VAV2: variants seen among roughly 807,000 people sequenced by gnomAD.
The protein encoded by VAV2 is guanine nucleotide exchange factor VAV2.
In VAV2, 67 loss-of-function variants were observed where a neutral mutation model predicts 132.5. That is an observed-to-expected ratio of 0.51 (90% CI 0.42 to 0.62). VAV2 has a LOEUF of 0.62. Ranked by LOEUF, VAV2 falls within the 20% of genes least tolerant of loss-of-function variation. The pLI is 0.00. For missense variants in VAV2, 938 were observed against 1,153.6 expected (o/e 0.81, Z 2.71); for synonymous variants, 492 against 443.5 (o/e 1.11, Z -1.37).
intron 26 of VAV2, among the ~76,000 whole-genome samples, chr9:133,771,146 C>T (rs1459493804): frequency 1.4e-5 from 2 of 145,218 alleles, no homozygotes; most frequent in Non-Finnish European, 3.0e-5. Context: ...TCACTGCAAT[C>T]TCCGCCTCCT....
intron 2 of VAV2, among the ~76,000 whole-genome samples, chr9:133,862,080 G>A (rs919161918): frequency 1.1e-4 from 16 of 152,210 alleles, no homozygotes; most frequent in Non-Finnish European, 1.6e-4. Context: ...TCCCCTGGCC[G>A]GCAGACTGGT....
chr9:133,990,936 C>T (rs1367087912), intron 1 of VAV2, among the ~76,000 whole-genome samples: 1 of 152,116 alleles, frequency 6.6e-6, no homozygotes, highest in Non-Finnish European at 1.5e-5. Flanking sequence ...TTTGTCAGCG[C>T]CCCCCAACCC....
At chr9:133,982,380 G>A (rs1842723935) in intron 1 of VAV2, among the ~76,000 whole-genome samples, 1 of 152,182 alleles carries the variant, frequency 6.6e-6, no homozygotes, top group Non-Finnish European at 1.5e-5. Flanking sequence ...GGGGCACCTG[G>A]GACGGGGCAC....
At chr9:133,864,141 G>A (rs953787671) in intron 2 of VAV2, among the ~76,000 whole-genome samples, 20 of 152,246 alleles carry the variant, frequency 1.3e-4, no homozygotes, top group Non-Finnish European at 1.2e-4. Flanking sequence ...CGTCTGTTCC[G>A]AGTCCCAGTT....
chr9:133,780,410 G>A (rs1329309558), intron 20 of VAV2, among the ~76,000 whole-genome samples: 1 of 152,206 alleles, frequency 6.6e-6, no homozygotes, highest in Non-Finnish European at 1.5e-5. Context: ...TCGGGGGCAG[G>A]AGGGCTGGTG....
chr9:133,898,263 G>A (rs1393201892), intron 2 of VAV2, among the ~76,000 whole-genome samples: 4 of 152,092 alleles, frequency 2.6e-5, no homozygotes, highest in Admixed American at 1.3e-4. Context: ...TGAGTCCAGC[G>A]CTTTCTCCAC....
intron 4 of VAV2, among the ~76,000 whole-genome samples, chr9:133,821,824 G>C (rs139473930): frequency 6.6e-6 from 1 of 152,152 alleles, no homozygotes; most frequent in African/African-American, 2.4e-5. Context: ...GGGCCTCCAC[G>C]GCCAGACCTG....
intron 2 of VAV2, among the ~76,000 whole-genome samples, chr9:133,895,415 C>T (rs188413937): frequency 6.6e-6 from 1 of 152,308 alleles, no homozygotes; most frequent in Admixed American, 6.5e-5. Flanking sequence ...TGTAAATGAG[C>T]AACTCAAATG....
At chr9:133,835,329 CG>C (rs2131786034) in intron 3 of VAV2, among the ~76,000 whole-genome samples, 1 of 150,734 alleles carries the variant, frequency 6.6e-6, no homozygotes, top group South Asian at 2.1e-4. Context: ...CTGCATAAGG[CG>C]AGCCCAGGCC....
rs71503361 is a variant in VAV2 at position 133,900,198 on chromosome 9, CA to C, written c.322-38767del. ...TGGGTGACAGAGTAAGACCCTGTCT[CA>C]AAAAAACCAAAGAAGAAAGAAAGAA... On this transcript the variant is annotated intron_variant, in intron 2 of 29. Coordinates refer to ENST00000371850, the MANE Select transcript of VAV2 (RefSeq NM_001134398.2). 2.6e-5 allele frequency among the ~76,000 whole-genome samples: 4 copies of C among 151,370 alleles called. No individual in the cohort carries two copies. In the East Asian group the frequency reaches 7.8e-4, roughly 30 times the overall value.
chr9:133,785,077 C>T (rs1321805836), intron 17 of VAV2, among the ~76,000 whole-genome samples: 1 of 152,160 alleles, frequency 6.6e-6, no homozygotes. Flanking sequence ...CAGCTGGCTG[C>T]ATCTATTCTC....
intron 2 of VAV2, among the ~76,000 whole-genome samples, chr9:133,862,737 C>T (rs1178393397): frequency 6.6e-6 from 1 of 152,244 alleles, no homozygotes; most frequent in Non-Finnish European, 1.5e-5. Context: ...CCCACGAGGC[C>T]ATCCTGCGCT....
rs761155809 is a variant in VAV2 at position 133,768,630 on chromosome 9, C to T, written c.2435-34G>A. 3.1e-6 allele frequency: 5 copies of T among 1,602,040 alleles called. No individual in the cohort carries two copies. Among genetic ancestry groups the T allele is most frequent in the East Asian group, 2.2e-5 (1 of 44,460 alleles). On this transcript the variant is annotated intron_variant, in intron 28 of 29. Transcript: ENST00000371850. The surrounding 1 kb of genome is among the most constrained non-coding windows in gnomAD (Gnocchi z 5.3). ...GGAGATGGGCAGCATCACACAGCTGCAGGAGGAGCCCAACCAGTGATCCAG... is the reference window on the plus strand; with the variant it reads ...GGAGATGGGCAGCATCACACAGCTGTAGGAGGAGCCCAACCAGTGATCCAG...
At chr9:133,765,249 AC>A (rs1363002142) in intron 29 of VAV2, among the ~76,000 whole-genome samples, 2 of 152,238 alleles carry the variant, frequency 1.3e-5, no homozygotes, top group Non-Finnish European at 2.9e-5. Context: ...TATTTACCTA[AC>A]CTCAAAGTAT....
chr9:133,853,897 T>C (rs999762111), intron 3 of VAV2, among the ~76,000 whole-genome samples: 1 of 152,134 alleles, frequency 6.6e-6, no homozygotes, highest in African/African-American at 2.4e-5. Flanking sequence ...CCCGCTGGCA[T>C]GATCCCTACA....
intron 2 of VAV2, among the ~76,000 whole-genome samples, chr9:133,875,018 C>A (rs1442331990): frequency 3.9e-5 from 6 of 152,192 alleles, no homozygotes; most frequent in Non-Finnish European, 8.8e-5. Context: ...CGGGGCAGAG[C>A]AGCCCCAGAA....
At position 133,778,771 on chromosome 9, in the gene VAV2, CGGAGACTCAG is replaced by C; in HGVS notation, c.1871_1880del (p.Pro624ArgfsTer21). The C allele has an allele frequency of 6.2e-7, 1 of 1,612,712 alleles. No individual in the cohort carries two copies. The highest frequency in any genetic ancestry group is 8.5e-7 in the Non-Finnish European group (1 of 1,179,966). On this transcript the variant is annotated frameshift_variant, in exon 22 of 30. Coordinates refer to ENST00000371850, the MANE Select transcript of VAV2 (RefSeq NM_001134398.2). LOFTEE classifies it high-confidence loss of function. ...GGGCCCCAGGACCCACCTCCCACCA[CGGAGACTCAG>C]GGTCGCCCCTCAGCAGCTCAAGCAC...
intron 9 of VAV2, 45 bp from the exon 10 acceptor site, chr9:133,797,854 G>A: frequency 6.3e-7 from 1 of 1,579,506 alleles, no homozygotes; most frequent in Middle Eastern, 1.7e-4. Flanking sequence ...GATTTAATGA[G>A]CAGCTCGGGG....
chr9:133,923,956 A>G lies in VAV2; in HGVS notation c.321+15147T>C, dbSNP rs188003838. ...AATTGAACAATGAGAACACTTGGAC[A>G]CAGGGCAGGGAACATCACATACTGC... On this transcript the variant is annotated intron_variant, in intron 2 of 29. Coordinates refer to ENST00000371850, the MANE Select transcript of VAV2 (RefSeq NM_001134398.2). Among the ~76,000 whole-genome samples the G allele has an allele frequency of 2.9e-3, 435 of 149,860 alleles. 3 individuals are homozygous for G. Among genetic ancestry groups the G allele is most frequent in the African/African-American group, 0.01 (414 of 41,088 alleles).
Sources: gnomAD v4.1 joint callset for allele counts (sites outside exome capture counted in the v4.1 genomes callset) on GRCh38, gnomAD v4.1.1 for gene constraint, Gnocchi (gnomAD v3.1) non-coding constraint, MANE v1.5 for transcripts, NCBI Gene and HGNC (gene_info 2026-07-23, HGNC 2026-07-21) for gene names.